NPR1: variants seen among roughly 807,000 people sequenced by gnomAD.
NPR1 encodes the protein natriuretic peptide receptor 1.
NPR1 carries 57 observed loss-of-function variants against 116.9 expected under a neutral mutation model. The observed-to-expected ratio is 0.49, with a 90% CI of 0.39 to 0.61. The LOEUF is 0.61. NPR1 is among the 20% of genes least tolerant of loss of function. NPR1 has a pLI of 0.00. For missense variants in NPR1, 1,096 were observed against 1,409.8 expected (o/e 0.78, Z 3.56); for synonymous variants, 555 against 601.6 (o/e 0.92, Z 1.13).
intron 14 of NPR1, 128 bp from the exon 15 acceptor site, chr1:153,687,925 C>T: frequency 9.2e-7 from 1 of 1,087,502 alleles, no homozygotes; most frequent in East Asian, 2.4e-5. Flanking sequence ...CCCATTGCTG[C>T]CAGTGACCAG....
chr1:153,689,659 C>A lies in NPR1; in HGVS notation c.2757+138C>A, dbSNP rs748215900. The A allele has an allele frequency of 9.9e-6, 12 of 1,207,230 alleles. No homozygotes were observed. The highest frequency in any genetic ancestry group is 1.4e-5 in the Non-Finnish European group (12 of 848,864). 74.8% of individuals were successfully genotyped at this position (1,207,230 alleles called of 1,614,324 possible). On this transcript the variant is annotated intron_variant, in intron 18 of 21. Coordinates refer to ENST00000368680, the MANE Select transcript of NPR1 (RefSeq NM_000906.4). The surrounding 1 kb of genome is among the most constrained non-coding windows in gnomAD (Gnocchi z 5.1). ...GCAGAGACAGTGACACAGGGAGACCCGGGAACAGGCAGAGAACCCATGTGG... is the reference window on the plus strand; with the variant it reads ...GCAGAGACAGTGACACAGGGAGACCAGGGAACAGGCAGAGAACCCATGTGG...
At chr1:153,688,311 G>A in intron 15 of NPR1, 90 bp downstream of exon 15, 1 of 1,398,074 alleles carries the variant, frequency 7.2e-7, no homozygotes, top group Non-Finnish European at 9.9e-7. Flanking sequence ...CCCAGCAGTG[G>A]CAGAGGGAGA....
Position 153,681,161 on chromosome 1 carries a change from C to T in NPR1, c.922-19C>T, listed in dbSNP as rs1669766836. On this transcript the variant is annotated intron_variant, in intron 2 of 21. Transcript: ENST00000368680. ...TAGTCAGCTCCCAACTCTCTGCTCTCCACTGACCCCTTTCTCAGGCTGCCA... is the reference window on the plus strand; with the variant it reads ...TAGTCAGCTCCCAACTCTCTGCTCTTCACTGACCCCTTTCTCAGGCTGCCA... The T allele has an allele frequency of 6.8e-7, 1 of 1,468,174 alleles. No individual in the cohort carries two copies. The highest frequency in any genetic ancestry group is 1.7e-5 in the Admixed American group (1 of 59,784). The allele number at this position is 1,468,174 out of a possible 1,614,324, so 90.9% of individuals were successfully genotyped here.
rs755631274 is a variant in NPR1 at position 153,689,691 on chromosome 1, G to A, written c.2758-115G>A. 1 of 1,276,608 alleles carries A rather than the reference G, an allele frequency of 7.8e-7. No individual in the cohort carries two copies. The highest frequency in any genetic ancestry group is 1.1e-6 in the Non-Finnish European group (1 of 922,472). 79.1% of individuals were successfully genotyped at this position (1,276,608 alleles called of 1,614,324 possible). ...AGGCAGAGAACCCATGTGGGATGGG[G>A]GATGAGCAAAGACAGATGAGGGTAC... On this transcript the variant is annotated intron_variant, in intron 18 of 21. Transcript: ENST00000368680. This position sits in a 1 kb window ranked among gnomAD's most constrained non-coding sequence, Gnocchi z 5.1.
At position 153,680,674 on chromosome 1, in the gene NPR1, G is replaced by A. The variant is rs1557960150; in HGVS notation, c.895G>A (p.Asp299Asn). The change falls in exon 2 of 22, where the codon GAT (aspartate) becomes AAT (asparagine). Residue 299 changes from aspartate (D) to asparagine (N), a missense_variant. Transcript: ENST00000368680. ...GCCCTGGGAGAGAGGGGATGGGCAG[G>A]ATGTCAGTGCCCGCCAGGCCTTTCA... Reference protein sequence around the residue: ...RRPWERGDGQDVSARQAFQAA... With the variant: ...RRPWERGDGQNVSARQAFQAA... 1 of 1,613,772 alleles carries A rather than the reference G, an allele frequency of 6.2e-7. No individual in the cohort carries two copies. The highest frequency in any genetic ancestry group is 1.3e-5 in the African/African-American group (1 of 74,938).
chr1:153,691,493 C>G (rs1208960743), intron 20 of NPR1, among the ~76,000 whole-genome samples: 1 of 152,182 alleles, frequency 6.6e-6, no homozygotes, highest in Non-Finnish European at 1.5e-5. Flanking sequence ...GGGAGCCAGT[C>G]CTGGGAGCCC....
intron 20 of NPR1, among the ~76,000 whole-genome samples, chr1:153,692,021 T>C (rs1670122517): frequency 6.6e-6 from 1 of 152,022 alleles, no homozygotes; most frequent in Non-Finnish European, 1.5e-5. Flanking sequence ...TGTGGCAATA[T>C]TGGGCCCCAC....
Position 153,680,149 on chromosome 1 carries a change from T to G in NPR1, c.721+320T>G, listed in dbSNP as rs189770848. On this transcript the variant is annotated intron_variant, in intron 1 of 21. Coordinates refer to ENST00000368680, the MANE Select transcript of NPR1 (RefSeq NM_000906.4). ...TATAGCCTTCTCCCTTCTTTCATCC[T>G]CTCCTCTCATTGCGCCTCATCCCCT... 6.3e-4 allele frequency among the ~76,000 whole-genome samples: 91 copies of G among 145,086 alleles called. No homozygotes were observed. In the East Asian group the frequency reaches 0.018, roughly 29 times the overall value.
rs1331951273 is a variant in NPR1 at position 153,689,971 on chromosome 1, A to G, written c.2923A>G (p.Ile975Val). Residue 975 changes from isoleucine to valine, a missense_variant, in exon 19 of 22, where the codon ATC becomes GTC. Transcript: ENST00000368680. This position sits in a 1 kb window ranked among gnomAD's most constrained non-coding sequence, Gnocchi z 5.1. The part of the protein sequence containing the change: ...PQEQLRLRIG[I>V]HTGPVCAGVV... The stretch of plus-strand genomic sequence containing the variant: ...GGAGCAGCTGCGCTTGCGCATTGGC[A>G]TCCACACAGGTAAGGCCACTGAAGG... The G allele has an allele frequency of 6.5e-7, 1 of 1,529,812 alleles. No homozygotes were observed. Among genetic ancestry groups the G allele is most frequent in the Non-Finnish European group, 8.8e-7 (1 of 1,133,966 alleles). 94.8% of individuals were successfully genotyped at this position (1,529,812 alleles called of 1,614,324 possible). A position where few individuals can be genotyped will look rare whatever the true frequency, so the allele number is the denominator to read the frequency against.
intron 14 of NPR1, 116 bp from the exon 15 acceptor site, chr1:153,687,931 ACCAGTC>A (rs1669977315): frequency 9.2e-7 from 1 of 1,090,718 alleles, no homozygotes; most frequent in Admixed American, 2.3e-5. Context: ...GCTGCCAGTG[ACCAGTC>A]CCCCGCCCCC....
chr1:153,683,531 C>T lies in NPR1; in HGVS notation c.1399+20C>T. ...ACCAAGGTGACTGCCCCTTGCCTTCCAGGCCTCCATCCCAGAGATGCTGCA... is the reference window on the plus strand; with the variant it reads ...ACCAAGGTGACTGCCCCTTGCCTTCTAGGCCTCCATCCCAGAGATGCTGCA... On this transcript the variant is annotated intron_variant, in intron 6 of 21. Transcript: ENST00000368680. 1 of 1,613,506 alleles carries T rather than the reference C, an allele frequency of 6.2e-7. No individual in the cohort carries two copies. The highest frequency in any genetic ancestry group is 8.5e-7 in the Non-Finnish European group (1 of 1,179,608).
intron 5 of NPR1, 34 bp from the exon 6 acceptor site, chr1:153,683,342 C>A (rs755462672): frequency 5.6e-6 from 9 of 1,599,900 alleles, no homozygotes; most frequent in Admixed American, 3.4e-5. Flanking sequence ...TCCCCGCAGG[C>A]CCTGGCCTAG....
At chr1:153,691,507 G>A (rs753233114) in intron 20 of NPR1, among the ~76,000 whole-genome samples, 28 of 152,304 alleles carry the variant, frequency 1.8e-4, no homozygotes, top group Admixed American at 6.5e-4. Context: ...GGAGCCCAGA[G>A]GGATCTAGTT....
Position 153,681,219 on chromosome 1 carries a change from G to T in NPR1, c.961G>T (p.Glu321Ter). The T allele has an allele frequency of 6.2e-7, 1 of 1,613,298 alleles. No homozygotes were observed. Among genetic ancestry groups the T allele is most frequent in the South Asian group, 1.1e-5 (1 of 91,030 alleles). Residue 321 changes from glutamate to a stop codon, truncating the protein, a stop_gained, in exon 3 of 22, where the codon GAG becomes TAG. Transcript: ENST00000368680. LOFTEE classifies it high-confidence loss of function. ...TACATATAAAGACCCAGATAATCCC[G>T]AGTACTTGGAATTCCTGAAGCAGTT... is the stretch of plus-strand genomic sequence containing the variant. ...IITYKDPDNP[E>*]YLEFLKQLKH...
intron 10 of NPR1, 23 bp from the exon 11 acceptor site, chr1:153,686,623 C>T: frequency 1.2e-6 from 2 of 1,604,724 alleles, no homozygotes; most frequent in East Asian, 2.2e-5. Flanking sequence ...CTGTCAAGCT[C>T]CTGATGCTGG....
chr1:153,684,256 C>T (rs1669864186), intron 7 of NPR1, among the ~76,000 whole-genome samples: 1 of 152,012 alleles, frequency 6.6e-6, no homozygotes, highest in Admixed American at 6.6e-5. Flanking sequence ...TCCTGCCGTC[C>T]AGTGGAGGCT....
chr1:153,687,149 C>T (rs141990792), intron 12 of NPR1, 51 bp from the exon 13 acceptor site: 14 of 1,613,956 alleles, frequency 8.7e-6, no homozygotes, highest in East Asian at 2.2e-5. Context: ...CTCCTGGCCA[C>T]GGGTGTAGGT....
chr1:153,690,040 G>A, intron 19 of NPR1, 60 bp downstream of exon 19: 1 of 1,405,478 alleles, frequency 7.1e-7, no homozygotes, highest in East Asian at 2.6e-5. Flanking sequence ...AGGGAAACTT[G>A]TCCCCTGGCC....
chr1:153,684,193 G>C (rs533579908), intron 7 of NPR1, among the ~76,000 whole-genome samples: 27 of 152,210 alleles, frequency 1.8e-4, no homozygotes, highest in Admixed American at 9.2e-4. Flanking sequence ...GTGAGCCCTG[G>C]TGTGTGCCAG....
Sources: gnomAD v4.1 joint callset for allele counts (sites outside exome capture counted in the v4.1 genomes callset) on GRCh38, gnomAD v4.1.1 for gene constraint, Gnocchi (gnomAD v3.1) non-coding constraint, MANE v1.5 for transcripts, NCBI Gene and HGNC (gene_info 2026-07-23, HGNC 2026-07-21) for gene names.